Variants in SYT1 observed in about 807,000 individuals in gnomAD.
SYT1 encodes the protein synaptotagmin-1.
SYT1 carries 8 observed loss-of-function variants against 44.8 expected under a neutral mutation model. That is an observed-to-expected ratio of 0.18 (90% CI 0.10 to 0.32). SYT1 has a LOEUF of 0.32. SYT1 is among the 10% of genes least tolerant of loss of function. The probability of loss-of-function intolerance (pLI) is 1.00; values close to 1 mark genes in which losing one functional copy is unlikely to be tolerated. For synonymous variants in SYT1, 154 were observed against 188.8 expected (o/e 0.82, Z 1.51); for missense variants, 286 against 509.3 (o/e 0.56, Z 4.22).
At chr12:79,164,810 C>T (rs1421673307) in intron 3 of SYT1, among the ~76,000 whole-genome samples, 1 of 151,830 alleles carries the variant, frequency 6.6e-6, no homozygotes, top group Admixed American at 6.6e-5. Flanking sequence ...TAAGAAATGG[C>T]AAATGAACAA....
At chr12:79,305,421 C>T (rs1231897103) in intron 8 of SYT1, among the ~76,000 whole-genome samples, 1 of 152,140 alleles carries the variant, frequency 6.6e-6, no homozygotes, top group East Asian at 1.9e-4. Flanking sequence ...TCTGGTCTCA[C>T]AGCCTGGCTC....
intron 1 of SYT1, among the ~76,000 whole-genome samples, chr12:78,940,707 G>A (rs2137248117): frequency 6.6e-6 from 1 of 152,202 alleles, no homozygotes; most frequent in East Asian, 1.9e-4. Context: ...AAAATTTAAT[G>A]TGACAAAATT....
At chr12:79,270,919 C>G (rs1271790150) in intron 4 of SYT1, among the ~76,000 whole-genome samples, 1 of 152,198 alleles carries the variant, frequency 6.6e-6, no homozygotes, top group Non-Finnish European at 1.5e-5. Context: ...CAAAAAAGAT[C>G]CATTGGGAAA....
At chr12:78,864,486 A>T (rs1401365374), upstream of SYT1, among the ~76,000 whole-genome samples, 2 of 150,628 alleles carry the variant, frequency 1.3e-5, no homozygotes, top group Non-Finnish European at 3.0e-5. Context: ...TCTCCTTGGG[A>T]TCTGTTCCCC....
intron 3 of SYT1, among the ~76,000 whole-genome samples, chr12:79,124,881 G>A (rs182049899): frequency 3.3e-4 from 50 of 152,174 alleles, no homozygotes; most frequent in Non-Finnish European, 5.9e-5. Flanking sequence ...GAGTATAACT[G>A]AAGAGCTTCA....
At chr12:79,408,522 T>C (rs2895728) in intron 9 of SYT1, among the ~76,000 whole-genome samples, 48,431 of 151,972 alleles carry the variant, frequency 0.32, 8,217 homozygotes, top group East Asian at 0.59. Context: ...AGCCCATGCT[T>C]TCATGTGGAT....
At position 79,115,472 on chromosome 12, in the gene SYT1, T is replaced by G. The variant is rs188397421; in HGVS notation, c.-18+68110T>G. On this transcript the variant is annotated intron_variant, in intron 3 of 10. Transcript: ENST00000261205. ...ATCTGAGCAATACATAAACAACAAA[T>G]TTTACCCTTATGAACTTAGGAAAAA... 2.4e-3 allele frequency among the ~76,000 whole-genome samples: 367 copies of G among 152,290 alleles called. 3 individuals carry two copies. The highest frequency in any genetic ancestry group is 7.0e-3 in the African/African-American group (292 of 41,578).
intron 10 of SYT1, among the ~76,000 whole-genome samples, chr12:79,445,743 T>G (rs1870672562): frequency 6.6e-6 from 1 of 151,442 alleles, no homozygotes. Context: ...TTGTGAATAG[T>G]GCCATACCAC....
intron 1 of SYT1, among the ~76,000 whole-genome samples, chr12:78,882,274 G>A (rs113509240): frequency 0.02 from 3,048 of 151,766 alleles, 45 homozygotes; most frequent in Middle Eastern, 0.054. Flanking sequence ...TCTGTATTGG[G>A]GAGGAAACAG....
intron 9 of SYT1, among the ~76,000 whole-genome samples, chr12:79,405,878 C>T (rs1430131278): frequency 6.6e-6 from 1 of 151,962 alleles, no homozygotes; most frequent in Non-Finnish European, 1.5e-5. Context: ...TCCTCTTTAC[C>T]AGTAAAGCAA....
chr12:79,311,314 TGA>T (rs1880774467), intron 8 of SYT1, among the ~76,000 whole-genome samples: 1 of 152,004 alleles, frequency 6.6e-6, no homozygotes, highest in African/African-American at 2.4e-5. Context: ...AAAACTGCAA[TGA>T]GATACCATCT....
chr12:79,084,435 C>A (rs1797526341), intron 3 of SYT1, among the ~76,000 whole-genome samples: 1 of 152,082 alleles, frequency 6.6e-6, no homozygotes, highest in Admixed American at 6.6e-5. Context: ...AATAACCATG[C>A]AGTGGTGACT....
intron 8 of SYT1, among the ~76,000 whole-genome samples, chr12:79,321,664 C>A (rs1448823429): frequency 6.6e-6 from 1 of 152,168 alleles, no homozygotes; most frequent in African/African-American, 2.4e-5. Flanking sequence ...GGCTGCTGTT[C>A]AGGGCACTGG....
chr12:78,945,271 T>C (rs1303345579), intron 1 of SYT1, among the ~76,000 whole-genome samples: 2 of 152,126 alleles, frequency 1.3e-5, no homozygotes, highest in Non-Finnish European at 2.9e-5. Flanking sequence ...CTTGATTTTT[T>C]TTCTTACCTG....
chr12:79,081,246 C>G (rs1331931987), intron 3 of SYT1, among the ~76,000 whole-genome samples: 1 of 152,158 alleles, frequency 6.6e-6, no homozygotes, highest in East Asian at 1.9e-4. Context: ...TGTGTCTTCT[C>G]CCCTTCCAGA....
chr12:78,885,202 C>T (rs559943490), intron 1 of SYT1, among the ~76,000 whole-genome samples: 230 of 144,814 alleles, frequency 1.6e-3, no homozygotes, highest in African/African-American at 5.8e-3. Flanking sequence ...TCAGTGGGGG[C>T]AGAAAAATAA....
intron 1 of SYT1, among the ~76,000 whole-genome samples, chr12:78,900,872 A>G (rs920820339): frequency 6.6e-6 from 1 of 152,152 alleles, no homozygotes; most frequent in African/African-American, 2.4e-5. Flanking sequence ...AATACTCAAT[A>G]CCATCAAAAT....
intron 8 of SYT1, among the ~76,000 whole-genome samples, chr12:79,339,382 T>C (rs1882253567): frequency 6.6e-6 from 1 of 152,254 alleles, no homozygotes; most frequent in South Asian, 2.1e-4. Context: ...TGAGATAGTA[T>C]CTCATTGTGG....
chr12:78,996,780 T>C (rs1194450405), intron 2 of SYT1, among the ~76,000 whole-genome samples: 3 of 152,012 alleles, frequency 2.0e-5, no homozygotes, highest in Non-Finnish European at 4.4e-5. Context: ...ATCACAGATA[T>C]AAAGAACACA....
Sources: gnomAD v4.1 joint callset for allele counts (sites outside exome capture counted in the v4.1 genomes callset) on GRCh38, gnomAD v4.1.1 for gene constraint, MANE v1.5 for transcripts, NCBI Gene and HGNC (gene_info 2026-07-23, HGNC 2026-07-21) for gene names.